COL15A1: variants seen among roughly 807,000 people sequenced by gnomAD.
COL15A1 encodes collagen alpha-1(XV) chain.
A neutral mutation model predicts 165.9 loss-of-function variants in COL15A1; 111 were observed. The observed-to-expected ratio is 0.67, with a 90% CI of 0.57 to 0.78. The LOEUF (loss-of-function observed/expected upper bound fraction) is 0.78. Among genes scored for constraint, COL15A1 ranks in the 30% least tolerant of loss-of-function variants. The pLI, the probability that COL15A1 is intolerant of heterozygous loss-of-function variation, is 0.00. For synonymous variants in COL15A1, 659 were observed against 674.8 expected (o/e 0.98, Z 0.36); for missense variants, 1,745 against 1,789.7 (o/e 0.98, Z 0.45).
intron 2 of COL15A1, among the ~76,000 whole-genome samples, chr9:98,963,907 C>T (rs1182319914): frequency 6.6e-6 from 1 of 152,148 alleles, no homozygotes; most frequent in African/African-American, 2.4e-5. Flanking sequence ...ACGGTGTGTG[C>T]TTGATAGTCA....
chr9:99,043,522 A>G (rs1839447529), intron 24 of COL15A1, among the ~76,000 whole-genome samples: 1 of 152,204 alleles, frequency 6.6e-6, no homozygotes, highest in Non-Finnish European at 1.5e-5. Context: ...TGGCCATTGC[A>G]GTGAACGTGC....
At chr9:99,057,350 T>C (rs1039199890) in intron 35 of COL15A1, among the ~76,000 whole-genome samples, 1 of 152,232 alleles carries the variant, frequency 6.6e-6, no homozygotes, top group Non-Finnish European at 1.5e-5. Context: ...CCTGGCTGCT[T>C]TGTCAATGCC....
chr9:98,990,854 C>T (rs1043515575), intron 5 of COL15A1, among the ~76,000 whole-genome samples: 3 of 152,206 alleles, frequency 2.0e-5, no homozygotes, highest in Non-Finnish European at 4.4e-5. Context: ...AAGAATGAAA[C>T]CACGGACCCT....
chr9:98,968,282 A>G (rs897867534), intron 2 of COL15A1, among the ~76,000 whole-genome samples: 2 of 152,244 alleles, frequency 1.3e-5, no homozygotes, highest in Admixed American at 6.5e-5. Context: ...TGAGTTTCCT[A>G]GGGCTGCGGT....
At chr9:99,056,440 C>G (rs1173433977) in intron 35 of COL15A1, 36 bp downstream of exon 35, 1 of 1,565,702 alleles carries the variant, frequency 6.4e-7, no homozygotes, top group East Asian at 2.3e-5. Context: ...TTCATGCTGT[C>G]CCTACCATTG....
chr9:99,056,921 GA>G (rs1174472045), intron 35 of COL15A1, among the ~76,000 whole-genome samples: 3 of 152,312 alleles, frequency 2.0e-5, no homozygotes, highest in African/African-American at 7.2e-5. Flanking sequence ...CATTGTATAG[GA>G]TATACATTTT....
At position 99,018,889 on chromosome 9, in the gene COL15A1, GTTT is replaced by G. The variant is rs1838980273; in HGVS notation, c.1648-1497_1648-1495del. ...TGGTGGAACTGTGGAAGGTTGTTAG[GTTT>G]TTAATACATTGTGGTTTAATACATT... On this transcript the variant is annotated intron_variant, in intron 11 of 41. Coordinates refer to ENST00000375001, the MANE Select transcript of COL15A1 (RefSeq NM_001855.5). 4.6e-5 allele frequency among the ~76,000 whole-genome samples: 7 copies of G among 152,152 alleles called. No individual in the cohort carries two copies. The South Asian group carries it at 1.4e-3, about 31-fold the overall frequency.
At chr9:98,988,969 C>A (rs967615780) in intron 4 of COL15A1, among the ~76,000 whole-genome samples, 7 of 151,432 alleles carry the variant, frequency 4.6e-5, no homozygotes, top group Non-Finnish European at 1.0e-4. Context: ...AACAAATAAC[C>A]AACCATGCAC....
chr9:98,974,314 G>A (rs1031275836), intron 2 of COL15A1, among the ~76,000 whole-genome samples: 2 of 152,180 alleles, frequency 1.3e-5, no homozygotes, highest in African/African-American at 2.4e-5. Flanking sequence ...CACAGTCTGC[G>A]GTTGCTGAAC....
chr9:98,971,774 C>T (rs1292720484), intron 2 of COL15A1, among the ~76,000 whole-genome samples: 5 of 152,186 alleles, frequency 3.3e-5, no homozygotes, highest in South Asian at 2.1e-4. Context: ...GTGAAGGGAG[C>T]GGTGGTGAGC....
chr9:99,063,162 G>A, intron 39 of COL15A1, 53 bp downstream of exon 39: 1 of 1,522,382 alleles, frequency 6.6e-7, no homozygotes, highest in South Asian at 1.3e-5. Flanking sequence ...TATCTGCTAA[G>A]TGCTAGGTCT....
At chr9:98,966,985 C>G (rs1213988464) in intron 2 of COL15A1, among the ~76,000 whole-genome samples, 1 of 152,228 alleles carries the variant, frequency 6.6e-6, no homozygotes, top group East Asian at 1.9e-4. Context: ...CTCATTCATT[C>G]ATGCACATGT....
chr9:99,061,659 C>T (rs1825817383), intron 36 of COL15A1, among the ~76,000 whole-genome samples: 1 of 152,132 alleles, frequency 6.6e-6, no homozygotes, highest in Non-Finnish European at 1.5e-5. Flanking sequence ...TTGCTAATAC[C>T]CAAACCAAAA....
intron 5 of COL15A1, among the ~76,000 whole-genome samples, chr9:98,992,401 G>A (rs1838457532): frequency 6.6e-6 from 1 of 152,210 alleles, no homozygotes; most frequent in African/African-American, 2.4e-5. Flanking sequence ...CGCTTAGAGT[G>A]CGGGGCCCGC....
intron 2 of COL15A1, among the ~76,000 whole-genome samples, chr9:98,954,804 A>ACTGCT (rs2118773450): frequency 6.6e-6 from 1 of 152,270 alleles, no homozygotes; most frequent in South Asian, 2.1e-4. Flanking sequence ...CTTGTCTATT[A>ACTGCT]CTGCTGTGTC....
chr9:99,013,915 TA>T (rs1341890167), intron 9 of COL15A1, among the ~76,000 whole-genome samples: 1 of 151,886 alleles, frequency 6.6e-6, no homozygotes. Flanking sequence ...GGAAGAAAAG[TA>T]AACGAAAGAA....
intron 2 of COL15A1, among the ~76,000 whole-genome samples, chr9:98,962,612 G>T (rs1363434492): frequency 6.6e-6 from 1 of 152,192 alleles, no homozygotes; most frequent in African/African-American, 2.4e-5. Flanking sequence ...AGGTCCTGGG[G>T]GGCTCTTTGG....
At position 98,973,189 on chromosome 9, in the gene COL15A1, G is replaced by T. The variant is rs1167067199; in HGVS notation, c.101-12376G>T. ...AGGCTTCCTCAAATCGTCTTCTCCAGTTTAGGTCAGAGGCTCGAGAAAGCA... is the reference window on the plus strand; with the variant it reads ...AGGCTTCCTCAAATCGTCTTCTCCATTTTAGGTCAGAGGCTCGAGAAAGCA... On this transcript the variant is annotated intron_variant, in intron 2 of 41. Transcript: ENST00000375001. 2.6e-5 allele frequency among the ~76,000 whole-genome samples: 4 copies of T among 152,132 alleles called. No individual in the cohort carries two copies. In the East Asian group the frequency reaches 7.7e-4, roughly 29 times the overall value.
At chr9:98,993,016 C>G (rs1028114849) in intron 5 of COL15A1, among the ~76,000 whole-genome samples, 3 of 152,210 alleles carry the variant, frequency 2.0e-5, no homozygotes, top group African/African-American at 7.2e-5. Flanking sequence ...CCCAACCCAA[C>G]TTTTCTCAGT....
Sources: allele counts gnomAD v4.1 joint callset (sites outside exome capture counted in the v4.1 genomes callset), GRCh38; gene constraint gnomAD v4.1.1; transcripts MANE v1.5; gene names NCBI Gene and HGNC (gene_info 2026-07-23, HGNC 2026-07-21).